INTS2: variants seen among roughly 807,000 people sequenced by gnomAD.
INTS2 encodes the protein integrator complex subunit 2.
Under a neutral mutation model 139.6 loss-of-function variants are expected in INTS2, and 57 were observed. That is an observed-to-expected ratio of 0.41 (90% CI 0.33 to 0.51). The LOEUF (loss-of-function observed/expected upper bound fraction) is 0.51. Ranked by LOEUF, INTS2 falls within the 20% of genes least tolerant of loss-of-function variation. The pLI is 0.28. For synonymous variants in INTS2, 473 were observed against 493.4 expected (o/e 0.96, Z 0.55); for missense variants, 1,196 against 1,436.7 (o/e 0.83, Z 2.71).
chr17:61,889,207 C>G (rs1162724724), intron 15 of INTS2, among the ~76,000 whole-genome samples: 1 of 151,994 alleles, frequency 6.6e-6, no homozygotes, highest in African/African-American at 2.4e-5. Flanking sequence ...CTGCCTCAAC[C>G]TCCTGAGTAG....
chr17:61,925,166 T>A (rs1240976950), intron 2 of INTS2, 67 bp from the exon 3 acceptor site: 2 of 1,396,288 alleles, frequency 1.4e-6, no homozygotes, highest in African/African-American at 1.4e-5. Flanking sequence ...ATAAAAATTA[T>A]CTTTTATTGA....
chr17:61,904,435 T>G (rs1354232735), intron 9 of INTS2, 25 bp downstream of exon 9: 1 of 1,517,110 alleles, frequency 6.6e-7, no homozygotes, highest in Admixed American at 2.0e-5. Context: ...CTTGAGAAAA[T>G]GGAGCAACTT....
intron 9 of INTS2, among the ~76,000 whole-genome samples, chr17:61,900,124 T>C (rs1364314667): frequency 6.6e-6 from 1 of 151,986 alleles, no homozygotes; most frequent in East Asian, 1.9e-4. Flanking sequence ...AGCTAGAGAA[T>C]ATATAGATAA....
Position 61,873,436 on chromosome 17 carries a change from T to C in INTS2, c.2583-976A>G, listed in dbSNP as rs2079104495. On this transcript the variant is annotated intron_variant, in intron 19 of 24. Coordinates refer to ENST00000251334, the MANE Select transcript of INTS2 (RefSeq NM_001351695.2). The surrounding 1 kb of genome is among the most constrained non-coding windows in gnomAD (Gnocchi z 4.0). ...AAGTTGTTAAGTGAAAAATCCGAGC[T>C]ACAAAAACATTAGATACAATTTGAT... Among the ~76,000 whole-genome samples, 1 of 152,146 alleles carries C rather than the reference T, an allele frequency of 6.6e-6. No homozygotes were observed.
chr17:61,894,985 T>G (rs150197431), intron 12 of INTS2, among the ~76,000 whole-genome samples: 2 of 152,342 alleles, frequency 1.3e-5, no homozygotes, highest in African/African-American at 4.8e-5. Context: ...AAGGTTTAAA[T>G]AGGACTTCAT....
At position 61,893,980 on chromosome 17, in the gene INTS2, T is replaced by G; in HGVS notation, c.1564-81A>C. On this transcript the variant is annotated intron_variant, in intron 12 of 24. Coordinates refer to ENST00000251334, the MANE Select transcript of INTS2 (RefSeq NM_001351695.2). This position sits in a 1 kb window ranked among gnomAD's most constrained non-coding sequence, Gnocchi z 5.4. The stretch of plus-strand genomic sequence containing the variant: ...GAAAGAGAGATTAGTAAGTAGACTG[T>G]CAACACCTAATACAAGTGTGGTCCC... The G allele has an allele frequency of 1.2e-6, 1 of 843,422 alleles. No individual in the cohort carries two copies. Among genetic ancestry groups the G allele is most frequent in the South Asian group, 2.4e-5 (1 of 41,142 alleles). 52.2% of individuals were successfully genotyped at this position (843,422 alleles called of 1,614,324 possible).
At chr17:61,918,040 A>T (rs1011819397) in intron 5 of INTS2, among the ~76,000 whole-genome samples, 3 of 152,236 alleles carry the variant, frequency 2.0e-5, no homozygotes, top group Non-Finnish European at 4.4e-5. Context: ...CAGAACAAAA[A>T]GAAGAAATAG....
Position 61,883,752 on chromosome 17 carries a change from C to CA in INTS2, c.2089+1148dup, listed in dbSNP as rs562307759. ...GTGAGACAAGAGCGAAACTCCGTCTCAAAAAAAAAAAAAAGAAAAGAAAAA... is the reference window on the plus strand; with the variant it reads ...GTGAGACAAGAGCGAAACTCCGTCTCAAAAAAAAAAAAAAAGAAAAGAAAAA... On this transcript the variant is annotated intron_variant, in intron 16 of 24. Transcript: ENST00000251334. Among the ~76,000 whole-genome samples, 318 of 86,218 alleles carry CA rather than the reference C, an allele frequency of 3.7e-3. 2 individuals carry two copies. Among genetic ancestry groups the CA allele is most frequent in the Middle Eastern group, 0.013 (2 of 154 alleles). The allele number at this position is 86,218 out of a possible 152,430, so 56.6% of individuals were successfully genotyped here. A position where few individuals can be genotyped will look rare whatever the true frequency, so the allele number is the denominator to read the frequency against.
intron 1 of INTS2, 156 bp downstream of exon 1, chr17:61,927,498 G>T: frequency 4.1e-6 from 1 of 244,878 alleles, no homozygotes; most frequent in Non-Finnish European, 6.9e-6. Flanking sequence ...ACAGAGGGGC[G>T]GGCTGACTGG....
chr17:61,899,888 C>T (rs2079387222), intron 9 of INTS2, among the ~76,000 whole-genome samples: 1 of 142,052 alleles, frequency 7.0e-6, no homozygotes, highest in East Asian at 2.1e-4. Context: ...CTCCAGCCTG[C>T]GAAACAAAGC....
chr17:61,867,363 C>T lies in INTS2; in HGVS notation c.*194G>A. On this transcript the variant is annotated 3_prime_UTR_variant, in exon 25 of 25. Transcript: ENST00000251334. This position sits in a 1 kb window ranked among gnomAD's most constrained non-coding sequence, Gnocchi z 5.6. Reference sequence around the variant, plus strand: ...ATAGAAACATATCAGCAAAGTAGATCCAAAGATGTGCCAATCAGAAACAAG... The same window carrying T: ...ATAGAAACATATCAGCAAAGTAGATTCAAAGATGTGCCAATCAGAAACAAG... 2.6e-6 allele frequency: 1 copy of T among 387,474 alleles called. No homozygotes were observed. The highest frequency in any genetic ancestry group is 9.0e-5 in the South Asian group (1 of 11,080). 24.0% of individuals were successfully genotyped at this position (387,474 alleles called of 1,614,324 possible).
chr17:61,918,866 A>C (rs1362852959), intron 5 of INTS2, among the ~76,000 whole-genome samples: 1 of 150,678 alleles, frequency 6.6e-6, no homozygotes, highest in Non-Finnish European at 1.5e-5. Flanking sequence ...TATTTCACTG[A>C]TACATGTATC....
At chr17:61,919,543 T>C in intron 4 of INTS2, 30 bp from the exon 5 acceptor site, 1 of 1,197,504 alleles carries the variant, frequency 8.4e-7, no homozygotes, top group Non-Finnish European at 1.2e-6. Flanking sequence ...GTGTTAGTCT[T>C]TGTTAACAGG....
chr17:61,888,564 C>CGTGCGTGT (rs755542102), intron 15 of INTS2, among the ~76,000 whole-genome samples: 42 of 119,666 alleles, frequency 3.5e-4, no homozygotes, highest in African/African-American at 1.1e-3. Context: ...TGTGTGCGTG[C>CGTGCGTGT]GTGTGTGTGT....
intron 7 of INTS2, 161 bp downstream of exon 7, chr17:61,911,359 C>T: frequency 4.0e-6 from 2 of 500,974 alleles, no homozygotes; most frequent in Non-Finnish European, 3.4e-6. Context: ...AACAAAAGCT[C>T]TTTGGTATCC....
intron 7 of INTS2, among the ~76,000 whole-genome samples, chr17:61,908,431 G>A (rs1188162987): frequency 6.6e-6 from 1 of 151,808 alleles, no homozygotes; most frequent in Admixed American, 6.6e-5. Flanking sequence ...AAACAAAAGA[G>A]TTTACAATTC....
At chr17:61,885,133 T>G (rs2079214534) in intron 15 of INTS2, 128 bp from the exon 16 acceptor site, 5 of 637,292 alleles carry the variant, frequency 7.8e-6, no homozygotes, top group Middle Eastern at 8.3e-4. Flanking sequence ...GAATATAGCA[T>G]ATAAAAGATG....
intron 15 of INTS2, among the ~76,000 whole-genome samples, chr17:61,888,827 A>G (rs7223123): frequency 9.2e-5 from 14 of 152,164 alleles, no homozygotes; most frequent in African/African-American, 3.1e-4. Context: ...GATGAAGACC[A>G]TCCTGGCTAA....
At chr17:61,915,881 A>C (rs1454382859) in intron 5 of INTS2, among the ~76,000 whole-genome samples, 2 of 151,564 alleles carry the variant, frequency 1.3e-5, no homozygotes, top group African/African-American at 4.8e-5. Flanking sequence ...TTCCAAGCTC[A>C]TGGATTGGAA....
Sources: gnomAD v4.1 joint callset for allele counts (sites outside exome capture counted in the v4.1 genomes callset) on GRCh38, gnomAD v4.1.1 for gene constraint, Gnocchi (gnomAD v3.1) non-coding constraint, MANE v1.5 for transcripts, NCBI Gene and HGNC (gene_info 2026-07-23, HGNC 2026-07-21) for gene names.